Variants in RDH13 observed in about 807,000 individuals in gnomAD.
RDH13 encodes retinol dehydrogenase 13 (all-trans and 9-cis).
RDH13 carries 35 observed loss-of-function variants against 28.3 expected under a neutral mutation model. That is an observed-to-expected ratio of 1.24 (90% confidence interval 0.95 to 1.64). The LOEUF (loss-of-function observed/expected upper bound fraction) is 1.64. Among genes scored for constraint, RDH13 ranks in the 40% most tolerant of loss-of-function variants. The probability of loss-of-function intolerance (pLI) is 0.00; values close to 1 mark genes in which losing one functional copy is unlikely to be tolerated. For missense variants in RDH13, 514 were observed against 446.3 expected (o/e 1.15, Z -1.37); for synonymous variants, 229 against 198.5 (o/e 1.15, Z -1.29).
At chr19:55,060,384 C>A (rs1422394001) in intron 1 of RDH13, among the ~76,000 whole-genome samples, 1 of 152,184 alleles carries the variant, frequency 6.6e-6, no homozygotes, top group Non-Finnish European at 1.5e-5. Context: ...ACGTGCACGT[C>A]CAGGCATAGT....
At chr19:55,039,488 C>T (rs12460185), downstream of RDH13, 43,201 of 151,976 alleles carry the variant, frequency 0.28, 6,428 homozygotes, top group East Asian at 0.56. Context: ...GCAGAGATTG[C>T]GGTAAGCCGA....
intron 3 of RDH13, among the ~76,000 whole-genome samples, chr19:55,054,667 C>G (rs753788114): frequency 2.0e-5 from 3 of 152,080 alleles, no homozygotes; most frequent in Non-Finnish European, 4.4e-5. Flanking sequence ...CTCTCGGGCT[C>G]AAGTGATCCT....
chr19:55,054,285 T>C (rs1420363171), intron 3 of RDH13, among the ~76,000 whole-genome samples: 1 of 152,174 alleles, frequency 6.6e-6, no homozygotes, highest in South Asian at 2.1e-4. Flanking sequence ...TTTGGCCCTT[T>C]CAGTGCCAGA....
At chr19:55,057,814 T>TG (rs1568723917) in intron 2 of RDH13, among the ~76,000 whole-genome samples, 18 of 18,356 alleles carry the variant, frequency 9.8e-4, no homozygotes, top group Non-Finnish European at 2.4e-3. Flanking sequence ...TTTATTATTA[T>TG]TTTTTTTTTT....
At position 55,047,105 on chromosome 19, in the gene RDH13, C is replaced by T. The variant is rs116526674; in HGVS notation, c.760+282G>A. 1.8e-3 allele frequency: 2,367 copies of T among 1,348,104 alleles called. 30 individuals carry two copies. In the African/African-American group the frequency reaches 0.026, roughly 15 times the overall value. The allele number at this position is 1,348,104 out of a possible 1,614,324, so 83.5% of individuals were successfully genotyped here. A position where few individuals can be genotyped will look rare whatever the true frequency, so the allele number is the denominator to read the frequency against. ...TGGTTTGGGGTGAAGCTGGAGTTAC[C>T]CTGAGTACAGCCTGACTCCAGGCGT... On this transcript the variant is annotated intron_variant, in intron 6 of 6. Coordinates refer to ENST00000415061, the MANE Select transcript of RDH13 (RefSeq NM_001145971.2).
chr19:55,052,486 G>A (rs1327500554), intron 3 of RDH13, among the ~76,000 whole-genome samples: 16 of 150,608 alleles, frequency 1.1e-4, no homozygotes, highest in Admixed American at 2.7e-4. Flanking sequence ...GGAGGATGCC[G>A]TGAGCCAAGA....
chr19:55,058,316 A>C (rs942797313), intron 2 of RDH13, among the ~76,000 whole-genome samples: 5 of 151,372 alleles, frequency 3.3e-5, no homozygotes, highest in African/African-American at 1.2e-4. Flanking sequence ...TGAACCCGGG[A>C]GGCGAAGGTT....
chr19:55,045,078 C>T lies in RDH13; in HGVS notation c.992G>A (p.Arg331Lys), dbSNP rs372836920. ...CTTTCAAATCTGCTCCAGAGGTTAT[C>T]TGGGGAGGGGCTGCTCCCTCACAGA... is the stretch of plus-strand genomic sequence containing the variant. ...APSVREQPLP[R>K] Residue 331 changes from arginine to lysine, a missense_variant, in exon 7 of 7, where the codon AGA (arginine) becomes AAA (lysine). Arg to Lys is a conservative substitution (Grantham distance 26). Coordinates refer to ENST00000415061, the MANE Select transcript of RDH13 (RefSeq NM_001145971.2). The T allele has an allele frequency of 1.9e-6, 3 of 1,596,452 alleles. No homozygotes were observed. The highest frequency in any genetic ancestry group is 1.7e-6 in the Non-Finnish European group (2 of 1,172,088).
chr19:55,060,778 G>T (rs1269727594), intron 1 of RDH13, among the ~76,000 whole-genome samples: 1 of 152,134 alleles, frequency 6.6e-6, no homozygotes, highest in Admixed American at 6.6e-5. Flanking sequence ...AGGTTGCAGT[G>T]AGTCGAAATG....
chr19:55,052,950 G>C (rs4447548), intron 3 of RDH13, among the ~76,000 whole-genome samples: 22,244 of 99,772 alleles, frequency 0.22, 1,878 homozygotes, highest in East Asian at 0.36. Context: ...GCGTGAGCCT[G>C]CACGCCTGCC....
At chr19:55,058,656 T>C (rs1008767459) in intron 2 of RDH13, among the ~76,000 whole-genome samples, 4 of 152,096 alleles carry the variant, frequency 2.6e-5, no homozygotes, top group African/African-American at 7.2e-5. Flanking sequence ...TCAAGGTTCA[T>C]CTGTTTCAAT....
intron 6 of RDH13, 29 bp downstream of exon 6, chr19:55,047,358 T>C: frequency 6.2e-7 from 1 of 1,605,144 alleles, no homozygotes; most frequent in Non-Finnish European, 8.5e-7. Flanking sequence ...GGGCTCCACG[T>C]GGAGACCCCA....
At chr19:55,056,250 G>A (rs929910518) in intron 3 of RDH13, among the ~76,000 whole-genome samples, 1 of 152,088 alleles carries the variant, frequency 6.6e-6, no homozygotes, top group South Asian at 2.1e-4. Flanking sequence ...AATCACCTGA[G>A]GTCAGGAGTT....
In RDH13 at chr19:55,056,023, G is replaced by A. The variant is rs1006635371; in HGVS notation, c.340+630C>T. ...CAAAAAATTAGCCAGGCACGGTGGC[G>A]GGTGCCTGTAATCCCAGCTACTCAG... On this transcript the variant is annotated intron_variant, in intron 3 of 6. Transcript: ENST00000415061. 6.6e-4 allele frequency among the ~76,000 whole-genome samples: 100 copies of A among 151,862 alleles called. 1 individual carries two copies. Among genetic ancestry groups the A allele is most frequent in the African/African-American group, 2.2e-3 (90 of 41,342 alleles).
At chr19:55,058,548 A>G (rs780144476) in intron 2 of RDH13, among the ~76,000 whole-genome samples, 14 of 151,960 alleles carry the variant, frequency 9.2e-5, no homozygotes, top group Non-Finnish European at 1.8e-4. Flanking sequence ...GCACCATTCC[A>G]ACTTCTCTAT....
chr19:55,048,432 G>A lies in RDH13; in HGVS notation c.555C>T (p.Asp185=), dbSNP rs776097391. Residue 185 remains aspartate (D), a synonymous_variant, in exon 5 of 7, where the codon GAC becomes GAT. Coordinates refer to ENST00000415061, the MANE Select transcript of RDH13 (RefSeq NM_001145971.2). Reference sequence around the variant, plus strand: ...ACTTCCTCGTCTGCCAGTTCAAGTCGTCAAAGTCTATGTGCCCAGCAACAT... The same window carrying A: ...ACTTCCTCGTCTGCCAGTTCAAGTCATCAAAGTCTATGTGCCCAGCAACAT... ...LAHVAGHIDF[D]DLNWQTRKYN... 17 of 1,614,100 alleles carry A rather than the reference G, an allele frequency of 1.1e-5. No homozygotes were observed. Among genetic ancestry groups the A allele is most frequent in the African/African-American group, 2.7e-5 (2 of 74,944 alleles).
At chr19:55,065,885 T>G (rs951216477), upstream of RDH13, among the ~76,000 whole-genome samples, 1 of 152,020 alleles carries the variant, frequency 6.6e-6, no homozygotes, top group African/African-American at 2.4e-5. Context: ...ACCTGGCTGA[T>G]TTTTGTATTT....
chr19:55,051,796 G>C (rs372028032), intron 3 of RDH13, among the ~76,000 whole-genome samples: 1 of 151,166 alleles, frequency 6.6e-6, no homozygotes, highest in Non-Finnish European at 1.5e-5. Context: ...GCAGTGGCGC[G>C]ATCTCAGCTC....
At chr19:55,046,220 C>G (rs1235927553) in intron 6 of RDH13, among the ~76,000 whole-genome samples, 1 of 145,492 alleles carries the variant, frequency 6.9e-6, no homozygotes, top group Admixed American at 7.0e-5. Context: ...GCACTCCAGC[C>G]TGGGTGACGA....
Sources: allele counts gnomAD v4.1 joint callset (sites outside exome capture counted in the v4.1 genomes callset), GRCh38; gene constraint gnomAD v4.1.1; transcripts MANE v1.5; gene names NCBI Gene and HGNC (gene_info 2026-07-23, HGNC 2026-07-21).